The following ZNF407 variants were observed in gnomAD, a reference collection of about 807,000 sequenced individuals.
ZNF407 encodes zinc finger protein 407.
In ZNF407, 17 loss-of-function variants were observed where a neutral mutation model predicts 131.2. The ratio of observed to expected loss-of-function variants is 0.13; its 90% CI spans 0.09 to 0.19. The LOEUF (loss-of-function observed/expected upper bound fraction) is 0.19, where lower values mean the gene tolerates loss of function less well. ZNF407 is among the 10% of genes least tolerant of loss of function. The pLI is 1.00. For synonymous variants in ZNF407, 1,156 were observed against 1,062.0 expected, an observed-to-expected ratio of 1.09 and a Z score of -1.72; for missense variants, 2,681 against 2,830.6, an observed-to-expected ratio of 0.95 and a Z score of 1.20.
intron 3 of ZNF407, among the ~76,000 whole-genome samples, chr18:74,733,241 T>C (rs1432481906): frequency 6.6e-6 from 1 of 152,186 alleles, no homozygotes; most frequent in Non-Finnish European, 1.5e-5. Context: ...CTGCAATAAT[T>C]GTAAATTACA....
chr18:74,881,707 G>A (rs891806554), intron 6 of ZNF407, among the ~76,000 whole-genome samples: 1 of 152,188 alleles, frequency 6.6e-6, no homozygotes, highest in African/African-American at 2.4e-5. Context: ...CAACATGAGA[G>A]TTAATTATGG....
intron 8 of ZNF407, among the ~76,000 whole-genome samples, chr18:74,923,466 A>G (rs1971873119): frequency 6.6e-6 from 1 of 152,110 alleles, no homozygotes; most frequent in South Asian, 2.1e-4. Flanking sequence ...TTTGAGACAC[A>G]TTAGGAAAGA....
intron 8 of ZNF407, among the ~76,000 whole-genome samples, chr18:74,955,383 A>G (rs183302422): frequency 1.3e-3 from 191 of 152,324 alleles, no homozygotes; most frequent in African/African-American, 4.3e-3. Flanking sequence ...GGTAGAGGAC[A>G]TAGCTGAAAT....
intron 3 of ZNF407, among the ~76,000 whole-genome samples, chr18:74,723,304 C>G (rs1270459199): frequency 6.6e-6 from 1 of 151,934 alleles, no homozygotes; most frequent in Non-Finnish European, 1.5e-5. Context: ...GCTCCTTTTT[C>G]CCTTTGGGAT....
chr18:74,740,538 GA>G (rs1458067117), intron 3 of ZNF407, among the ~76,000 whole-genome samples: 17 of 152,144 alleles, frequency 1.1e-4, no homozygotes, highest in African/African-American at 3.1e-4. Context: ...CAAAGTACTA[GA>G]AAGAAATTGC....
rs73971153 is a variant in ZNF407, at chr18:74,707,353, G to C, written c.4802+66231G>C. On this transcript the variant is annotated intron_variant, in intron 3 of 8. Transcript: ENST00000299687. ...ATTAATTCTTTAGTTACCTTCAGTT[G>C]TAAGTACAGGCTGAGCATCCCTTAT... Among the ~76,000 whole-genome samples the C allele has an allele frequency of 6.6e-3, 1,008 of 152,282 alleles. 13 individuals carry two copies. Among genetic ancestry groups the C allele is most frequent in the African/African-American group, 0.023 (963 of 41,538 alleles).
intron 4 of ZNF407, among the ~76,000 whole-genome samples, chr18:74,801,188 A>C (rs756292146): frequency 1.8e-4 from 27 of 152,278 alleles, no homozygotes; most frequent in Non-Finnish European, 3.4e-4. Context: ...ACTAATTTTT[A>C]AATTGTTTTT....
intron 8 of ZNF407, among the ~76,000 whole-genome samples, chr18:74,948,963 AAAAGAAAGGAC>A (rs1972184374): frequency 6.6e-6 from 1 of 152,324 alleles, no homozygotes; most frequent in South Asian, 2.1e-4. Flanking sequence ...CTAGTGTGTA[AAAAGAAAGGAC>A]AATCTAAAGC....
chr18:74,739,343 A>G (rs1246669642), intron 3 of ZNF407, among the ~76,000 whole-genome samples: 3 of 151,990 alleles, frequency 2.0e-5, no homozygotes, highest in African/African-American at 7.2e-5. Flanking sequence ...GAAAAGGGAC[A>G]CCTGGCTTTT....
chr18:75,032,391 GCACTGCCCTCAGCTGTC>G (rs1973251806), intron 8 of ZNF407, among the ~76,000 whole-genome samples: 1 of 152,142 alleles, frequency 6.6e-6, no homozygotes, highest in Non-Finnish European at 1.5e-5. Context: ...TGTTGACTGT[GCACTGCCCTCAGCTGTC>G]CACTTTGACT....
intron 3 of ZNF407, among the ~76,000 whole-genome samples, chr18:74,766,712 G>A (rs1438811076): frequency 2.0e-5 from 3 of 152,164 alleles, no homozygotes; most frequent in Non-Finnish European, 4.4e-5. Context: ...CAACATGCTA[G>A]CCTATTACCA....
At chr18:75,020,092 T>C (rs978588625) in intron 8 of ZNF407, among the ~76,000 whole-genome samples, 1 of 152,192 alleles carries the variant, frequency 6.6e-6, no homozygotes, top group African/African-American at 2.4e-5. Context: ...GTAAAACTTA[T>C]TTTACTTCGT....
chr18:74,879,499 A>T (rs1305060345), intron 5 of ZNF407, among the ~76,000 whole-genome samples: 2 of 151,968 alleles, frequency 1.3e-5, no homozygotes, highest in East Asian at 1.9e-4. Context: ...TTGTGGGATT[A>T]AAAAAAATCT....
chr18:74,769,741 C>G (rs1405544005), intron 3 of ZNF407, among the ~76,000 whole-genome samples: 1 of 152,220 alleles, frequency 6.6e-6, no homozygotes, highest in African/African-American at 2.4e-5. Flanking sequence ...TGCGGGTTTT[C>G]AACTCTAGAC....
At chr18:74,844,579 T>G (rs1208787721) in intron 4 of ZNF407, among the ~76,000 whole-genome samples, 1 of 152,194 alleles carries the variant, frequency 6.6e-6, no homozygotes, top group Non-Finnish European at 1.5e-5. Context: ...AAAAGATACA[T>G]ATTTATATAC....
At chr18:74,839,176 T>C (rs1970598413) in intron 4 of ZNF407, among the ~76,000 whole-genome samples, 1 of 152,232 alleles carries the variant, frequency 6.6e-6, no homozygotes, top group East Asian at 1.9e-4. Context: ...ATTTAAGAAA[T>C]AATTTCATTG....
At chr18:74,834,074 A>G (rs17833525) in intron 4 of ZNF407, among the ~76,000 whole-genome samples, 2,893 of 152,288 alleles carry the variant, frequency 0.019, 44 homozygotes, top group Non-Finnish European at 0.033. Flanking sequence ...TGTTTGAAAA[A>G]TCTAACCTTT....
chr18:74,868,699 C>T (rs555338062), intron 4 of ZNF407, among the ~76,000 whole-genome samples: 1 of 152,206 alleles, frequency 6.6e-6, no homozygotes, highest in African/African-American at 2.4e-5. Context: ...TCCATCACAC[C>T]ACTTGGCTCT....
intron 7 of ZNF407, among the ~76,000 whole-genome samples, chr18:74,894,309 G>A (rs1971424661): frequency 1.3e-5 from 2 of 151,856 alleles, no homozygotes; most frequent in South Asian, 4.1e-4. Context: ...ATAGAACACT[G>A]GTCTAGAATA....
Sources: allele counts gnomAD v4.1 joint callset (sites outside exome capture counted in the v4.1 genomes callset), GRCh38; gene constraint gnomAD v4.1.1; transcripts MANE v1.5; gene names NCBI Gene and HGNC (gene_info 2026-07-23, HGNC 2026-07-21).